Variants in PDE4D observed in about 807,000 individuals in gnomAD.
PDE4D encodes phosphodiesterase 4D.
A neutral mutation model predicts 87.4 loss-of-function variants in PDE4D; 24 were observed. That is an observed-to-expected ratio of 0.27 (90% CI 0.20 to 0.39). The LOEUF is 0.39. Ranked by LOEUF, PDE4D falls within the 10% of genes least tolerant of loss-of-function variation. The probability of loss-of-function intolerance (pLI) is 1.00; values close to 1 mark genes in which losing one functional copy is unlikely to be tolerated. For synonymous variants in PDE4D, 384 were observed against 383.2 expected (o/e 1.00, Z -0.02); for missense variants, 714 against 1,041.0 (o/e 0.69, Z 4.32).
chr5:59,462,056 T>C (rs918577681), intron 1 of PDE4D, among the ~76,000 whole-genome samples: 2 of 152,124 alleles, frequency 1.3e-5, no homozygotes, highest in Non-Finnish European at 2.9e-5. Context: ...GATTAAGTAA[T>C]GGAGGCAAAT....
intron 2 of PDE4D, among the ~76,000 whole-genome samples, chr5:60,098,915 T>G (rs1045722766): frequency 1.3e-5 from 2 of 152,010 alleles, no homozygotes; most frequent in Non-Finnish European, 2.9e-5. Flanking sequence ...TTCCTGTGTT[T>G]TCATGATGTT....
At chr5:60,362,863 G>GAA (rs57443993) in intron 1 of PDE4D, among the ~76,000 whole-genome samples, 11 of 116,078 alleles carry the variant, frequency 9.5e-5, no homozygotes, top group Admixed American at 1.8e-4. Context: ...TCCATCTCAA[G>GAA]AAAAAAAAAA....
chr5:59,858,939 G>C (rs1745857278), intron 1 of PDE4D, among the ~76,000 whole-genome samples: 2 of 152,142 alleles, frequency 1.3e-5, no homozygotes, highest in Non-Finnish European at 2.9e-5. Context: ...CTATACGCTG[G>C]TTGATATTGA....
chr5:59,460,393 G>C (rs1350618703), intron 1 of PDE4D, among the ~76,000 whole-genome samples: 1 of 152,130 alleles, frequency 6.6e-6, no homozygotes, highest in Non-Finnish European at 1.5e-5. Context: ...CTTGGGAAAA[G>C]GCATTGCAGA....
chr5:59,275,375 G>A (rs1257338315), intron 1 of PDE4D: 6 of 1,596,538 alleles, frequency 3.8e-6, no homozygotes, highest in South Asian at 1.1e-5. Context: ...CTTGTAGATC[G>A]GGATCTTGGC....
At chr5:60,149,317 A>G (rs773648910) in intron 2 of PDE4D, among the ~76,000 whole-genome samples, 1 of 152,188 alleles carries the variant, frequency 6.6e-6, no homozygotes, top group Non-Finnish European at 1.5e-5. Flanking sequence ...ATACGGTGAG[A>G]GCACATGAAA....
At chr5:59,898,171 T>G (rs575442122), upstream of PDE4D, among the ~76,000 whole-genome samples, 1 of 152,326 alleles carries the variant, frequency 6.6e-6, no homozygotes, top group South Asian at 2.1e-4. Context: ...TAATGCAAAT[T>G]TAGCAGCACA....
intron 1 of PDE4D, among the ~76,000 whole-genome samples, chr5:59,607,400 T>A (rs979779994): frequency 6.6e-6 from 1 of 152,138 alleles, no homozygotes; most frequent in Admixed American, 6.6e-5. Context: ...ATCATTTAGA[T>A]CATTAAAAAT....
chr5:59,322,035 G>A (rs74693209), intron 1 of PDE4D, among the ~76,000 whole-genome samples: 5,274 of 152,168 alleles, frequency 0.035, 319 homozygotes, highest in African/African-American at 0.12. Context: ...AACATAATCT[G>A]AGGATGTCTT....
intron 1 of PDE4D, among the ~76,000 whole-genome samples, chr5:59,572,470 G>GTTTTGTTTTTGT (rs527505513): frequency 2.0e-5 from 3 of 149,212 alleles, no homozygotes; most frequent in African/African-American, 7.7e-5. Flanking sequence ...GTTTTGTTTT[G>GTTTTGTTTTTGT]TTTTGTTTTT....
chr5:59,742,588 T>G (rs999695185), intron 1 of PDE4D, among the ~76,000 whole-genome samples: 1 of 152,188 alleles, frequency 6.6e-6, no homozygotes, highest in African/African-American at 2.4e-5. Flanking sequence ...TATCTGTACC[T>G]CAATGTGGTA....
intron 1 of PDE4D, among the ~76,000 whole-genome samples, chr5:60,476,389 C>T (rs2150206391): frequency 6.6e-6 from 1 of 152,256 alleles, no homozygotes; most frequent in Non-Finnish European, 1.5e-5. Flanking sequence ...CTGCCATCCT[C>T]TCACAATCTC....
At chr5:59,317,019 T>G (rs901519880) in intron 1 of PDE4D, among the ~76,000 whole-genome samples, 1 of 152,166 alleles carries the variant, frequency 6.6e-6, no homozygotes, top group Non-Finnish European at 1.5e-5. Flanking sequence ...GGTCATGGCC[T>G]CAGTACTATA....
At chr5:59,439,470 C>T (rs1797269923) in intron 1 of PDE4D, among the ~76,000 whole-genome samples, 1 of 152,044 alleles carries the variant, frequency 6.6e-6, no homozygotes, top group Non-Finnish European at 1.5e-5. Flanking sequence ...AGAAATAACA[C>T]CTTTCTGGTA....
intron 2 of PDE4D, among the ~76,000 whole-genome samples, chr5:60,185,113 T>C (rs1376884718): frequency 1.3e-5 from 2 of 152,142 alleles, no homozygotes; most frequent in Admixed American, 6.6e-5. Flanking sequence ...ATTAGAGATA[T>C]ATGCCAGGGT....
intron 3 of PDE4D, among the ~76,000 whole-genome samples, chr5:59,899,487 T>A (rs532778048): frequency 4.0e-5 from 6 of 151,886 alleles, no homozygotes; most frequent in African/African-American, 1.4e-4. Flanking sequence ...GTGGTAAATA[T>A]ATATATATAT....
intron 2 of PDE4D, among the ~76,000 whole-genome samples, chr5:60,070,295 C>T (rs1772563679): frequency 6.6e-6 from 1 of 151,972 alleles, no homozygotes; most frequent in Admixed American, 6.6e-5. Context: ...GGTTTTTCAC[C>T]ATTGAGTATG....
chr5:59,187,473 A>G (rs1406614742), intron 3 of PDE4D, among the ~76,000 whole-genome samples: 1 of 152,202 alleles, frequency 6.6e-6, no homozygotes, highest in Non-Finnish European at 1.5e-5. Context: ...CTCAGGGGAC[A>G]TTAAAATACT....
chr5:59,636,879 G>T (rs906604855), intron 1 of PDE4D, among the ~76,000 whole-genome samples: 1 of 152,146 alleles, frequency 6.6e-6, no homozygotes, highest in South Asian at 2.1e-4. Context: ...AAAAGCAATG[G>T]CAACGAAAGC....
Sources: gnomAD v4.1 joint callset for allele counts (sites outside exome capture counted in the v4.1 genomes callset) on GRCh38, gnomAD v4.1.1 for gene constraint, MANE v1.5 for transcripts, NCBI Gene and HGNC (gene_info 2026-07-23, HGNC 2026-07-21) for gene names.